Variants in PLCB1 observed in about 807,000 individuals in gnomAD.
PLCB1 encodes the protein phospholipase C beta 1, also known as 1-phosphatidylinositol 4,5-bisphosphate phosphodiesterase beta-1.
PLCB1 carries 46 observed loss-of-function variants against 161.8 expected under a neutral mutation model. That is an observed-to-expected ratio of 0.28 (90% CI 0.22 to 0.36). The LOEUF (loss-of-function observed/expected upper bound fraction) is 0.36, where lower values mean the gene tolerates loss of function less well. Among genes scored for constraint, PLCB1 ranks in the 10% least tolerant of loss-of-function variants. PLCB1 has a pLI of 1.00. For missense variants in PLCB1, 1,016 were observed against 1,472.5 expected (o/e 0.69, Z 5.07); for synonymous variants, 517 against 503.7 (o/e 1.03, Z -0.35).
chr20:8,178,747 A>T (rs778188277), intron 2 of PLCB1, among the ~76,000 whole-genome samples: 42 of 152,200 alleles, frequency 2.8e-4, no homozygotes, highest in South Asian at 8.3e-4. Flanking sequence ...GGTTTTCTTC[A>T]GGGGTATTTA....
At chr20:8,698,363 T>G (rs1600258969) in intron 11 of PLCB1, among the ~76,000 whole-genome samples, 1 of 152,204 alleles carries the variant, frequency 6.6e-6, no homozygotes, top group Non-Finnish European at 1.5e-5. Flanking sequence ...TGTAAATTGA[T>G]TCACACTATA....
At chr20:8,459,368 T>C (rs1030257440) in intron 3 of PLCB1, among the ~76,000 whole-genome samples, 5 of 152,202 alleles carry the variant, frequency 3.3e-5, no homozygotes, top group Non-Finnish European at 7.3e-5. Flanking sequence ...TGAAGTTGAA[T>C]GCTTAATTAC....
chr20:8,575,747 A>C (rs1002204872), intron 3 of PLCB1, among the ~76,000 whole-genome samples: 1 of 152,226 alleles, frequency 6.6e-6, no homozygotes, highest in African/African-American at 2.4e-5. Context: ...GCAATCTGAA[A>C]TAATCTTGAT....
At chr20:8,302,685 T>C (rs956929644) in intron 2 of PLCB1, among the ~76,000 whole-genome samples, 2 of 152,232 alleles carry the variant, frequency 1.3e-5, no homozygotes, top group African/African-American at 4.8e-5. Context: ...CAATGTAAGT[T>C]ACATACGCTA....
intron 1 of PLCB1, among the ~76,000 whole-genome samples, chr20:8,146,465 C>T (rs1177194777): frequency 6.6e-6 from 1 of 152,158 alleles, no homozygotes; most frequent in Non-Finnish European, 1.5e-5. Context: ...TGGCTCAGAG[C>T]AAATGTTGAG....
intron 2 of PLCB1, among the ~76,000 whole-genome samples, chr20:8,192,903 G>A (rs1188606482): frequency 1.3e-5 from 2 of 152,000 alleles, no homozygotes; most frequent in Non-Finnish European, 2.9e-5. Flanking sequence ...GGGGCTAAAG[G>A]AGTGGTCTCT....
In PLCB1 at chr20:8,884,565, A is replaced by C. The variant is rs1441842947; in HGVS notation, c.*2716A>C. On this transcript the variant is annotated 3_prime_UTR_variant, in exon 32 of 32. Coordinates refer to ENST00000338037, the MANE Select transcript of PLCB1 (RefSeq NM_015192.4). The stretch of plus-strand genomic sequence containing the variant: ...ACCATACATTAATTAATACTCCTGT[A>C]GTAGATAAGCTGTCATTAAGTAATT... 6.6e-6 allele frequency: 1 copy of C among 152,616 alleles called. No homozygotes were observed. The highest frequency in any genetic ancestry group is 1.5e-5 in the Non-Finnish European group (1 of 68,032). The allele number at this position is 152,616 out of a possible 1,614,324, so 9.5% of individuals were successfully genotyped here.
chr20:8,855,746 C>G (rs1987046482), intron 31 of PLCB1, among the ~76,000 whole-genome samples: 1 of 152,098 alleles, frequency 6.6e-6, no homozygotes. Flanking sequence ...GGGAAAACTA[C>G]CTTTAAAATG....
At chr20:8,804,221 A>G (rs1213667495) in intron 31 of PLCB1, among the ~76,000 whole-genome samples, 1 of 152,208 alleles carries the variant, frequency 6.6e-6, no homozygotes, top group Non-Finnish European at 1.5e-5. Context: ...TTATTTTTCA[A>G]AACAAATGCA....
At chr20:8,455,963 C>A (rs1981298205) in intron 3 of PLCB1, among the ~76,000 whole-genome samples, 2 of 152,176 alleles carry the variant, frequency 1.3e-5, no homozygotes, top group South Asian at 4.1e-4. Context: ...AAAATCAAAG[C>A]TTTCGCATCA....
At chr20:8,147,740 A>C (rs2051467999) in intron 1 of PLCB1, among the ~76,000 whole-genome samples, 1 of 152,190 alleles carries the variant, frequency 6.6e-6, no homozygotes, top group Non-Finnish European at 1.5e-5. Flanking sequence ...TGTGGCCGGA[A>C]GAGTGGGGTC....
At position 8,473,576 on chromosome 20, in the gene PLCB1, A is replaced by G. The variant is rs551786930; in HGVS notation, c.246+102126A>G. On this transcript the variant is annotated intron_variant, in intron 3 of 31. Coordinates refer to ENST00000338037, the MANE Select transcript of PLCB1 (RefSeq NM_015192.4). ...TTTTGACAATCCAGCCTTGTTAGTT[A>G]TCATTTCAACAGGTGCCATTAGTAT... Among the ~76,000 whole-genome samples, 11 of 152,306 alleles carry G rather than the reference A, an allele frequency of 7.2e-5. No individual in the cohort carries two copies. The South Asian group carries it at 2.3e-3, about 32-fold the overall frequency.
At chr20:8,560,032 A>G (rs901995136) in intron 3 of PLCB1, among the ~76,000 whole-genome samples, 3 of 151,968 alleles carry the variant, frequency 2.0e-5, no homozygotes, top group African/African-American at 7.2e-5. Context: ...TAGCCCCTGT[A>G]ATTGTAGACT....
chr20:8,298,042 T>A (rs536037691), intron 2 of PLCB1, among the ~76,000 whole-genome samples: 1 of 88,490 alleles, frequency 1.1e-5, no homozygotes, highest in Non-Finnish European at 2.2e-5. Context: ...ACATCTGTAA[T>A]CCCAACACTC....
intron 3 of PLCB1, among the ~76,000 whole-genome samples, chr20:8,481,039 G>A (rs961902740): frequency 6.6e-6 from 1 of 152,142 alleles, no homozygotes; most frequent in Non-Finnish European, 1.5e-5. Context: ...GGGAGGCAAA[G>A]GTTGCAGTGA....
At chr20:8,437,976 C>T (rs1053202300) in intron 3 of PLCB1, among the ~76,000 whole-genome samples, 86 of 152,068 alleles carry the variant, frequency 5.7e-4, no homozygotes, top group African/African-American at 2.0e-3. Context: ...TAATCACTCC[C>T]TGAAACATAA....
At chr20:8,426,072 G>A (rs1361142196) in intron 3 of PLCB1, among the ~76,000 whole-genome samples, 3 of 152,132 alleles carry the variant, frequency 2.0e-5, no homozygotes, top group African/African-American at 7.2e-5. Flanking sequence ...TGAGTTGAAA[G>A]GAACATGGGA....
At chr20:8,583,185 C>T (rs1404647816) in intron 3 of PLCB1, among the ~76,000 whole-genome samples, 1 of 151,892 alleles carries the variant, frequency 6.6e-6, no homozygotes, top group Non-Finnish European at 1.5e-5. Flanking sequence ...TGGTGGTTGC[C>T]AGGGGCTAGG....
chr20:8,240,175 G>GAAAAAAAACAAAAAAAA (rs1319212205), intron 2 of PLCB1, among the ~76,000 whole-genome samples: 1 of 151,254 alleles, frequency 6.6e-6, no homozygotes, highest in African/African-American at 2.4e-5. Flanking sequence ...AAAGCTGTGT[G>GAAAAAAAACAAAAAAAA]AATGAGGTCA....
Sources: gnomAD v4.1 joint callset for allele counts (sites outside exome capture counted in the v4.1 genomes callset) on GRCh38, gnomAD v4.1.1 for gene constraint, MANE v1.5 for transcripts, NCBI Gene and HGNC (gene_info 2026-07-23, HGNC 2026-07-21) for gene names.